Variants in NAV3 observed in about 807,000 individuals in gnomAD.
NAV3 encodes neuron navigator 3, also known as pore membrane and/or filament interacting like protein 1.
NAV3 carries 87 observed loss-of-function variants against 244.7 expected under a neutral mutation model. The observed-to-expected ratio is 0.36, with a 90% CI of 0.30 to 0.42. The LOEUF is 0.42. Ranked by LOEUF, NAV3 falls within the 20% of genes least tolerant of loss-of-function variation. The pLI, the probability that NAV3 is intolerant of heterozygous loss-of-function variation, is 1.00. For synonymous variants in NAV3, 1,126 were observed against 1,042.2 expected, an observed-to-expected ratio of 1.08 and a Z score of -1.55; for missense variants, 2,663 against 2,893.3, an observed-to-expected ratio of 0.92 and a Z score of 1.83.
chr12:77,621,475 C>CTT (rs1253726398), intron 2 of NAV3, among the ~76,000 whole-genome samples: 1 of 142,066 alleles, frequency 7.0e-6, no homozygotes, highest in African/African-American at 2.8e-5. Flanking sequence ...TTTTTCTCTT[C>CTT]TCTTTTTTTT....
At position 78,119,318 on chromosome 12, in the gene NAV3, C is replaced by A. The variant is rs367791464; in HGVS notation, c.3122C>A (p.Ala1041Glu). Reference sequence around the variant, plus strand: ...TCTCTACAAAGATCTCCTTCAGATGCAGGAAAAAGCAGTGGAGATGAAGGG... The same window carrying A: ...TCTCTACAAAGATCTCCTTCAGATGAAGGAAAAAGCAGTGGAGATGAAGGG... ...GSSLQRSPSD[A>E]GKSSGDEGKK... is the part of the protein sequence containing the mutation. Residue 1041 changes from alanine (A) to glutamate (E), a missense_variant, in exon 15 of 40, where the codon GCA (alanine) becomes GAA (glutamate). By Grantham distance (107) the Ala-to-Glu change is moderately radical (BLOSUM62 -1). Around this residue, in one of 6 missense-constraint regions of NAV3, gnomAD observed 1,521 missense variants for 1,497.0 expected, o/e 1.02. Coordinates refer to ENST00000397909, the MANE Select transcript of NAV3 (RefSeq NM_001024383.2). The A allele has an allele frequency of 4.3e-6, 7 of 1,614,128 alleles. No homozygotes were observed. The highest frequency in any genetic ancestry group is 5.9e-6 in the Non-Finnish European group (7 of 1,180,022).
At chr12:77,974,028 T>C (rs1004951699) in intron 5 of NAV3, among the ~76,000 whole-genome samples, 1 of 152,024 alleles carries the variant, frequency 6.6e-6, no homozygotes, top group Non-Finnish European at 1.5e-5. Flanking sequence ...GAGTATGTAA[T>C]ATTAAGAGAA....
chr12:77,836,455 A>G (rs912694481), intron 1 of NAV3, among the ~76,000 whole-genome samples: 1 of 152,152 alleles, frequency 6.6e-6, no homozygotes, highest in Non-Finnish European at 1.5e-5. Flanking sequence ...ATGGAAAGCA[A>G]TTATTTTTTG....
At position 78,185,654 on chromosome 12, in the gene NAV3, G is replaced by A. The variant is rs2139805033; in HGVS notation, c.5746G>A (p.Val1916Met). Residue 1916 changes from valine (V) to methionine (M), a missense_variant, in exon 31 of 40, where the codon GTG (valine) becomes ATG (methionine). Physicochemically the swap from Val to Met is conservative, Grantham distance 21 (BLOSUM62 1). Around this residue, in one of 6 missense-constraint regions of NAV3, gnomAD observed 543 missense variants for 672.4 expected, o/e 0.81. Transcript: ENST00000397909. The stretch of plus-strand genomic sequence containing the variant: ...AACTGGACATAAAGATGGCCGCAGT[G>A]TGAAAATTATAGTCTCCATAAGCAA... ...DATGHKDGRS[V>M]KIIVSISKGY... is the part of the protein sequence containing the mutation. 1 of 1,608,554 alleles carries A rather than the reference G, an allele frequency of 6.2e-7. No homozygotes were observed. Among genetic ancestry groups the A allele is most frequent in the Non-Finnish European group, 8.5e-7 (1 of 1,177,400 alleles).
At position 78,116,848 on chromosome 12, in the gene NAV3, A is replaced by G; in HGVS notation, c.2713A>G (p.Thr905Ala). The G allele has an allele frequency of 6.2e-7, 1 of 1,613,608 alleles. No homozygotes were observed. Among genetic ancestry groups the G allele is most frequent in the Non-Finnish European group, 8.5e-7 (1 of 1,179,716 alleles). ...DNISTDDLNT[T>A]SSVSSYSNIT... ...CATCAGCACTGATGACCTGAACACCACATCCTCTGTCAGCTCTTACTCCAA... is the reference window on the plus strand; with the variant it reads ...CATCAGCACTGATGACCTGAACACCGCATCCTCTGTCAGCTCTTACTCCAA... Residue 905 changes from threonine to alanine, a missense_variant, in exon 13 of 40, where the codon ACA becomes GCA. Physicochemically the swap from Thr to Ala is moderately conservative, Grantham distance 58. This residue lies in a region of NAV3 where 1,521 missense variants were observed against 1,497.0 expected (regional missense o/e 1.02). Transcript: ENST00000397909.
intron 33 of NAV3, 22 bp from the exon 34 acceptor site, chr12:78,189,961 TA>T (rs756114558): frequency 2.0e-5 from 31 of 1,547,186 alleles, no homozygotes; most frequent in East Asian, 1.4e-4. Flanking sequence ...TAAATCATGC[TA>T]TTTTTTTGTT....
intron 12 of NAV3, among the ~76,000 whole-genome samples, chr12:78,078,638 G>GCCCACCT (rs1207233767): frequency 6.7e-6 from 1 of 150,176 alleles, no homozygotes; most frequent in East Asian, 2.0e-4. Flanking sequence ...CTCGTGATCC[G>GCCCACCT]CCCACCTCGG....
chr12:78,154,252 A>T (rs1957191273), intron 22 of NAV3, among the ~76,000 whole-genome samples: 1 of 111,716 alleles, frequency 9.0e-6, no homozygotes, highest in Non-Finnish European at 1.9e-5. Context: ...TTTATATATT[A>T]CTATATAATA....
At chr12:78,013,533 A>G (rs1241131804) in intron 8 of NAV3, among the ~76,000 whole-genome samples, 1 of 152,118 alleles carries the variant, frequency 6.6e-6, no homozygotes, top group Non-Finnish European at 1.5e-5. Context: ...GCTGGTCGGC[A>G]AGTAGGTCAG....
At position 77,702,426 on chromosome 12, in the gene NAV3, G is replaced by A. The variant is rs74106511; in HGVS notation, c.72+130160G>A. Among the ~76,000 whole-genome samples, 164 of 152,038 alleles carry A rather than the reference G, an allele frequency of 1.1e-3. 1 individual carries two copies. The highest frequency in any genetic ancestry group is 3.5e-3 in the African/African-American group (146 of 41,534). ...GACAATTTCTGCCGTTTTATTTGGA[G>A]TATATTAAAATATTTACATTGTATT... On this transcript the variant is annotated intron_variant, in intron 2 of 8. Transcript: ENST00000550042.
chr12:77,759,004 C>T (rs1017310900), intron 2 of NAV3, among the ~76,000 whole-genome samples: 2 of 152,134 alleles, frequency 1.3e-5, no homozygotes, highest in African/African-American at 2.4e-5. Flanking sequence ...CTGATGTGGT[C>T]TCAATTTGGG....
At chr12:77,572,605 A>G (rs984522746) in intron 2 of NAV3, among the ~76,000 whole-genome samples, 1 of 152,166 alleles carries the variant, frequency 6.6e-6, no homozygotes, top group Non-Finnish European at 1.5e-5. Context: ...GGAGTAATGG[A>G]GCAGGCTAGA....
In NAV3 at chr12:78,154,539, C is replaced by T. The variant is rs868865462; in HGVS notation, c.4786-4664C>T. Among the ~76,000 whole-genome samples, 14 of 151,152 alleles carry T rather than the reference C, an allele frequency of 9.3e-5. No individual in the cohort carries two copies. The South Asian group carries it at 2.9e-3, about 32-fold the overall frequency. ...CTATTCAGATTACTTTTGCACCAGC[C>T]TAATACATTGTATGATTCCAAAACC... is the stretch of plus-strand genomic sequence containing the variant. On this transcript the variant is annotated intron_variant, in intron 22 of 39. Transcript: ENST00000397909.
chr12:77,677,056 C>G (rs1359242671), intron 2 of NAV3, among the ~76,000 whole-genome samples: 1 of 152,154 alleles, frequency 6.6e-6, no homozygotes, highest in East Asian at 1.9e-4. Flanking sequence ...GTGTATCTAC[C>G]AGTAGTGGGG....
At chr12:77,942,899 A>G (rs1473867932) in intron 3 of NAV3, among the ~76,000 whole-genome samples, 4 of 152,190 alleles carry the variant, frequency 2.6e-5, no homozygotes, top group Non-Finnish European at 4.4e-5. Flanking sequence ...AACCATAATT[A>G]TGTTTCTTAA....
At chr12:77,911,283 A>G (rs1043986695) in intron 1 of NAV3, among the ~76,000 whole-genome samples, 3 of 152,138 alleles carry the variant, frequency 2.0e-5, no homozygotes, top group Admixed American at 6.6e-5. Flanking sequence ...TGGAAATTCC[A>G]GAATTCCCTT....
chr12:78,080,187 C>G (rs1337776908), intron 12 of NAV3, among the ~76,000 whole-genome samples: 1 of 152,068 alleles, frequency 6.6e-6, no homozygotes, highest in Non-Finnish European at 1.5e-5. Context: ...TTATCTCTTG[C>G]ATAGTAGGTA....
At position 77,831,685 on chromosome 12, in the gene NAV3, A is replaced by G. The variant is rs2136079963; in HGVS notation, c.224A>G (p.Lys75Arg). Residue 75 changes from lysine (K) to arginine (R), a missense_variant, in exon 1 of 40, where the codon AAG becomes AGG. By Grantham distance (26) the Lys-to-Arg change is conservative. Transcript: ENST00000397909. ...AAGAAACCCCTCCAAGGAAAAGCCA[A>G]GGAGAAAGAAGACAGCAAGGTTAGT... ...GEKKPLQGKA[K>R]EKEDSKIYTD... 6.2e-7 allele frequency: 1 copy of G among 1,607,722 alleles called. No homozygotes were observed. Among genetic ancestry groups the G allele is most frequent in the South Asian group, 1.1e-5 (1 of 89,838 alleles).
intron 2 of NAV3, among the ~76,000 whole-genome samples, chr12:77,739,305 G>C (rs902979927): frequency 1.3e-5 from 2 of 152,042 alleles, no homozygotes; most frequent in Non-Finnish European, 2.9e-5. Flanking sequence ...TTTGACAAAT[G>C]TATCAATGCT....
Sources: allele counts gnomAD v4.1 joint callset (sites outside exome capture counted in the v4.1 genomes callset), GRCh38; gene constraint gnomAD v4.1.1; regional missense constraint gnomAD v4.1.1; transcripts MANE v1.5; gene names NCBI Gene and HGNC (gene_info 2026-07-23, HGNC 2026-07-21).